The following ABCA12 variants were observed in gnomAD, a reference collection of about 807,000 sequenced individuals.
ABCA12 encodes the protein glucosylceramide transporter ABCA12.
In ABCA12, 156 loss-of-function variants were observed where a neutral mutation model predicts 293.5. That is an observed-to-expected ratio of 0.53 (90% CI 0.47 to 0.61). ABCA12 has a LOEUF of 0.61. ABCA12 is among the 20% of genes least tolerant of loss of function. The probability of loss-of-function intolerance (pLI) is 0.00; values close to 1 mark genes in which losing one functional copy is unlikely to be tolerated. For missense variants in ABCA12, 2,797 were observed against 3,090.2 expected (o/e 0.91, Z 2.25); for synonymous variants, 1,063 against 1,108.0 (o/e 0.96, Z 0.81).
intron 14 of ABCA12, among the ~76,000 whole-genome samples, chr2:215,016,090 G>C (rs1700491056): frequency 6.6e-6 from 1 of 151,824 alleles, no homozygotes; most frequent in Non-Finnish European, 1.5e-5. Context: ...GTTGCAGTGA[G>C]CTGAGATTGC....
Position 215,116,613 on chromosome 2 carries a change from T to C in ABCA12, c.70-4923A>G, listed in dbSNP as rs867717966. Among the ~76,000 whole-genome samples the C allele has an allele frequency of 2.0e-5, 3 of 152,244 alleles. No homozygotes were observed. The South Asian group carries it at 6.2e-4, about 32-fold the overall frequency. ...ATTAAATAAACTAGGAATCCATGAA[T>C]CTATGCTGATGGAAACAAACACATA... is the stretch of plus-strand genomic sequence containing the variant. On this transcript the variant is annotated intron_variant, in intron 1 of 52. Transcript: ENST00000272895.
At chr2:215,110,918 A>G (rs1702559411) in intron 2 of ABCA12, among the ~76,000 whole-genome samples, 1 of 152,228 alleles carries the variant, frequency 6.6e-6, no homozygotes, top group Non-Finnish European at 1.5e-5. Context: ...CTGGCTTCAC[A>G]GGGAAAAAAT....
At chr2:214,992,797 G>T (rs1196994482) in intron 23 of ABCA12, among the ~76,000 whole-genome samples, 2 of 151,620 alleles carry the variant, frequency 1.3e-5, no homozygotes, top group African/African-American at 4.8e-5. Flanking sequence ...GGAGGTGGAG[G>T]TTGCAGTGAG....
chr2:215,030,596 T>C (rs1700854828), intron 9 of ABCA12, among the ~76,000 whole-genome samples: 2 of 82,738 alleles, frequency 2.4e-5, no homozygotes, highest in South Asian at 5.9e-4. Context: ...AGAGCCAGAC[T>C]CCATCTCAAA....
At chr2:215,026,966 T>C (rs1345780633) in intron 9 of ABCA12, 28 bp from the exon 10 acceptor site, 1 of 1,477,734 alleles carries the variant, frequency 6.8e-7, no homozygotes, top group South Asian at 1.1e-5. Flanking sequence ...AATATAGAAA[T>C]TAAGACATAT....
intron 2 of ABCA12, among the ~76,000 whole-genome samples, chr2:215,094,163 C>T (rs985326647): frequency 2.6e-5 from 4 of 152,174 alleles, no homozygotes; most frequent in African/African-American, 9.7e-5. Flanking sequence ...CCTGCACCAC[C>T]ATGCTGTTAC....
intron 2 of ABCA12, among the ~76,000 whole-genome samples, chr2:215,077,747 C>G (rs965000273): frequency 2.0e-5 from 3 of 152,158 alleles, no homozygotes; most frequent in Non-Finnish European, 2.9e-5. Flanking sequence ...TAAATTGTCT[C>G]TAGGTTTCTA....
chr2:215,066,568 A>T (rs996718029), intron 2 of ABCA12, among the ~76,000 whole-genome samples: 6 of 152,140 alleles, frequency 3.9e-5, no homozygotes, highest in Non-Finnish European at 8.8e-5. Context: ...AACCCACAAC[A>T]TTCTTTGGTA....
At chr2:215,075,741 T>C (rs1249140375) in intron 2 of ABCA12, 4 of 581,866 alleles carry the variant, frequency 6.9e-6, no homozygotes, top group Non-Finnish European at 1.2e-5. Flanking sequence ...ATTTTAGTAA[T>C]TACCCCAATA....
At chr2:214,937,861 GA>G (rs1559100551) in intron 50 of ABCA12, among the ~76,000 whole-genome samples, 1 of 151,856 alleles carries the variant, frequency 6.6e-6, no homozygotes, top group African/African-American at 2.4e-5. Context: ...GAGTTGAAAA[GA>G]AAACATAACA....
chr2:215,077,483 T>G (rs1413591974), intron 2 of ABCA12, among the ~76,000 whole-genome samples: 1 of 152,186 alleles, frequency 6.6e-6, no homozygotes, highest in Admixed American at 6.5e-5. Flanking sequence ...CCCTGTTTAT[T>G]ATGATACTAG....
At chr2:215,007,065 G>A (rs898838692) in intron 19 of ABCA12, among the ~76,000 whole-genome samples, 5 of 151,760 alleles carry the variant, frequency 3.3e-5, no homozygotes, top group Non-Finnish European at 5.9e-5. Flanking sequence ...AGTAGAGATG[G>A]GGTTTCTCCG....
chr2:214,942,180 A>G (rs1278152240), intron 50 of ABCA12, among the ~76,000 whole-genome samples: 1 of 152,176 alleles, frequency 6.6e-6, no homozygotes, highest in East Asian at 1.9e-4. Context: ...GGTTTTAAAA[A>G]TAAATATTAA....
At chr2:215,097,323 A>G (rs182292646) in intron 2 of ABCA12, among the ~76,000 whole-genome samples, 8,352 of 152,020 alleles carry the variant, frequency 0.055, 736 homozygotes, top group African/African-American at 0.19. Flanking sequence ...GCCTCCAAAA[A>G]TCTTTTTTTT....
At chr2:214,970,495 T>C in intron 36 of ABCA12, 95 bp from the exon 37 acceptor site, 1 of 1,384,064 alleles carries the variant, frequency 7.2e-7, no homozygotes, top group South Asian at 1.2e-5. Context: ...GATTTGTCTA[T>C]TACTGCAACT....
intron 14 of ABCA12, among the ~76,000 whole-genome samples, chr2:215,017,000 T>A (rs1466703275): frequency 6.6e-6 from 1 of 152,160 alleles, no homozygotes; most frequent in South Asian, 2.1e-4. Flanking sequence ...ATTGCTGAAA[T>A]TATATCTTAG....
rs1451164598 is a variant in ABCA12 at position 214,998,551 on chromosome 2, T to C, written c.3180-742A>G. ...TATACATGGTATAGAAATGTCTATT[T>C]TGATGATGTGCTCAACTAGAGAATC... On this transcript the variant is annotated intron_variant, in intron 22 of 52. Transcript: ENST00000272895. Among the ~76,000 whole-genome samples, 4 of 152,328 alleles carry C rather than the reference T, an allele frequency of 2.6e-5. No individual in the cohort carries two copies. The East Asian group carries it at 7.7e-4, about 29-fold the overall frequency.
intron 7 of ABCA12, among the ~76,000 whole-genome samples, chr2:215,041,464 A>G (rs1376225010): frequency 6.6e-6 from 1 of 151,702 alleles, no homozygotes; most frequent in African/African-American, 2.4e-5. Flanking sequence ...AGGCAGAAGA[A>G]TCGCTTGAAC....
chr2:215,002,815 A>G (rs1477695957), intron 20 of ABCA12, among the ~76,000 whole-genome samples: 1 of 152,198 alleles, frequency 6.6e-6, no homozygotes, highest in Non-Finnish European at 1.5e-5. Flanking sequence ...CAAACTATAT[A>G]ACCTCTTCAA....
Sources: allele counts gnomAD v4.1 joint callset (sites outside exome capture counted in the v4.1 genomes callset), GRCh38; gene constraint gnomAD v4.1.1; transcripts MANE v1.5; gene names NCBI Gene and HGNC (gene_info 2026-07-23, HGNC 2026-07-21).